Variants in GABRB3 observed in about 807,000 individuals in gnomAD.
GABRB3 encodes gamma-aminobutyric acid type A receptor subunit beta3.
Under a neutral mutation model 52.1 loss-of-function variants are expected in GABRB3, and 14 were observed. The ratio of observed to expected loss-of-function variants is 0.27; its 90% CI spans 0.18 to 0.42. GABRB3 has a LOEUF of 0.42. Ranked by LOEUF, GABRB3 falls within the 10% of genes least tolerant of loss-of-function variation. GABRB3 has a pLI of 1.00. For missense variants in GABRB3, 307 were observed against 609.1 expected, an observed-to-expected ratio of 0.50 and a Z score of 5.22; for synonymous variants, 260 against 232.3, an observed-to-expected ratio of 1.12 and a Z score of -1.08.
At chr15:26,559,477 T>C (rs1889898241) in intron 8 of GABRB3, among the ~76,000 whole-genome samples, 1 of 150,732 alleles carries the variant, frequency 6.6e-6, no homozygotes, top group Non-Finnish European at 1.5e-5. Context: ...AACAGAACAA[T>C]GGCCTAACAG....
intron 3 of GABRB3, among the ~76,000 whole-genome samples, chr15:26,741,267 T>C (rs188340358): frequency 6.6e-6 from 1 of 152,256 alleles, no homozygotes; most frequent in Admixed American, 6.5e-5. Context: ...TTTCAGTGAT[T>C]TCTACATATT....
At chr15:26,557,799 C>A (rs1320914562) in intron 8 of GABRB3, 1 of 152,180 alleles carries the variant, frequency 6.6e-6, no homozygotes, top group Admixed American at 6.5e-5. Context: ...AAACAATAAA[C>A]ATGGATTCAT....
intron 3 of GABRB3, among the ~76,000 whole-genome samples, chr15:26,701,997 C>T (rs1041059874): frequency 7.2e-5 from 11 of 152,122 alleles, no homozygotes; most frequent in Admixed American, 3.3e-4. Flanking sequence ...ATAAATACTG[C>T]TAGACTAATT....
chr15:26,579,972 C>T (rs7165322), intron 6 of GABRB3, among the ~76,000 whole-genome samples: 66,702 of 151,996 alleles, frequency 0.44, 17,734 homozygotes, highest in East Asian at 0.83. Flanking sequence ...CTCTGGTCAT[C>T]CTCTTTCCTT....
rs1468874328 is a variant in GABRB3 at position 26,711,579 on chromosome 15, C to G, written c.240+60823G>C. Among the ~76,000 whole-genome samples, 4 of 152,250 alleles carry G rather than the reference C, an allele frequency of 2.6e-5. No individual in the cohort carries two copies. In the South Asian group the frequency reaches 6.2e-4, roughly 24 times the overall value. Reference sequence around the variant, plus strand: ...CTAGATTTGTCAACACTACCTCCCCCGCCCCAGGCTCCCCATCTCCCATTC... The same window carrying G: ...CTAGATTTGTCAACACTACCTCCCCGGCCCCAGGCTCCCCATCTCCCATTC... On this transcript the variant is annotated intron_variant, in intron 3 of 8. Coordinates refer to ENST00000311550, the MANE Select transcript of GABRB3 (RefSeq NM_000814.6).
intron 3 of GABRB3, among the ~76,000 whole-genome samples, chr15:26,638,101 A>C (rs1893103527): frequency 6.6e-6 from 1 of 152,056 alleles, no homozygotes; most frequent in African/African-American, 2.4e-5. Context: ...TTATATGGAG[A>C]GTTCTTTAGA....
rs118041549 is a variant in GABRB3 at position 26,671,698 on chromosome 15, C to G, written c.241-50164G>C. Among the ~76,000 whole-genome samples the G allele has an allele frequency of 2.4e-4, 36 of 152,248 alleles. No homozygotes were observed. The East Asian group carries it at 6.4e-3, about 27-fold the overall frequency. ...ATCTCAGACTGATTTTATTGTGCTT[C>G]ATCAATTTTATGGTTGACATGTTTT... On this transcript the variant is annotated intron_variant, in intron 3 of 8. Coordinates refer to ENST00000311550, the MANE Select transcript of GABRB3 (RefSeq NM_000814.6).
chr15:26,688,829 T>C (rs1037849073), intron 3 of GABRB3, among the ~76,000 whole-genome samples: 2 of 152,206 alleles, frequency 1.3e-5, no homozygotes, highest in Non-Finnish European at 2.9e-5. Context: ...AAGGTTTCCA[T>C]AGATGATTTC....
chr15:26,758,755 A>G (rs1009659702), intron 3 of GABRB3, among the ~76,000 whole-genome samples: 2 of 151,870 alleles, frequency 1.3e-5, no homozygotes, highest in Non-Finnish European at 2.9e-5. Context: ...AAGCAGCCAT[A>G]CTTCTGAAAG....
At chr15:26,738,132 G>C (rs148970252) in intron 3 of GABRB3, among the ~76,000 whole-genome samples, 1 of 152,178 alleles carries the variant, frequency 6.6e-6, no homozygotes, top group East Asian at 1.9e-4. Context: ...GCCTGGGCTG[G>C]AGTGCAATGG....
At chr15:26,596,743 T>C (rs1595469475) in intron 4 of GABRB3, among the ~76,000 whole-genome samples, 2 of 152,190 alleles carry the variant, frequency 1.3e-5, no homozygotes, top group South Asian at 2.1e-4. Context: ...TTTAAAAGAC[T>C]GTATATGGTA....
chr15:26,559,470 A>C (rs1047229406), intron 8 of GABRB3, among the ~76,000 whole-genome samples: 1 of 151,926 alleles, frequency 6.6e-6, no homozygotes, highest in East Asian at 1.9e-4. Context: ...TTATAGCAAC[A>C]GAACAATGGC....
At chr15:26,757,181 T>C (rs2140178686) in intron 3 of GABRB3, among the ~76,000 whole-genome samples, 1 of 152,286 alleles carries the variant, frequency 6.6e-6, no homozygotes, top group African/African-American at 2.4e-5. Context: ...TTTTTGCTAT[T>C]CGTATCCCAC....
At chr15:26,603,677 T>A (rs1891668070) in intron 4 of GABRB3, among the ~76,000 whole-genome samples, 1 of 152,070 alleles carries the variant, frequency 6.6e-6, no homozygotes, top group South Asian at 2.1e-4. Context: ...AAAAACTATA[T>A]CATCATTTCC....
At chr15:26,770,633 G>C (rs1891119365) in intron 3 of GABRB3, among the ~76,000 whole-genome samples, 1 of 152,194 alleles carries the variant, frequency 6.6e-6, no homozygotes, top group African/African-American at 2.4e-5. Flanking sequence ...TTACTATTGT[G>C]TAGAGTTCTT....
intron 6 of GABRB3, among the ~76,000 whole-genome samples, chr15:26,577,952 A>C (rs1326225476): frequency 6.6e-6 from 1 of 152,076 alleles, no homozygotes; most frequent in African/African-American, 2.4e-5. Context: ...TGGCCTGACT[A>C]AATCTTTTAT....
In GABRB3 at chr15:26,571,275, C is replaced by A. The variant is rs1689393126; in HGVS notation, c.683-3542G>T. Among the ~76,000 whole-genome samples, 4 of 152,230 alleles carry A rather than the reference C, an allele frequency of 2.6e-5. No individual in the cohort carries two copies. The South Asian group carries it at 8.3e-4, about 32-fold the overall frequency. ...GCTTATGCTACAGTAACAAACAGCC[C>A]CCAAATCTCAGTAGTTTGTAACAAA... On this transcript the variant is annotated intron_variant, in intron 6 of 8. Coordinates refer to ENST00000311550, the MANE Select transcript of GABRB3 (RefSeq NM_000814.6).
chr15:26,552,007 A>C (rs1392153645), intron 8 of GABRB3, among the ~76,000 whole-genome samples: 1 of 148,378 alleles, frequency 6.7e-6, no homozygotes, highest in Non-Finnish European at 1.5e-5. Context: ...TGAAATTTTG[A>C]CTTTTTTTTT....
At position 26,656,450 on chromosome 15, in the gene GABRB3, G is replaced by A. The variant is rs115721507; in HGVS notation, c.241-34916C>T. On this transcript the variant is annotated intron_variant, in intron 3 of 8. Coordinates refer to ENST00000311550, the MANE Select transcript of GABRB3 (RefSeq NM_000814.6). ...ATTTTTCCTTAAGTACCTTACACAT[G>A]GCTAACATTTGTTCATTTTACTTTG... Among the ~76,000 whole-genome samples the A allele has an allele frequency of 3.7e-3, 568 of 152,292 alleles. 5 individuals carry two copies. Among genetic ancestry groups the A allele is most frequent in the African/African-American group, 0.013 (541 of 41,552 alleles).
Sources: allele counts gnomAD v4.1 joint callset (sites outside exome capture counted in the v4.1 genomes callset), GRCh38; gene constraint gnomAD v4.1.1; transcripts MANE v1.5; gene names NCBI Gene and HGNC (gene_info 2026-07-23, HGNC 2026-07-21).